The following NECAP2 variants were observed in gnomAD, a reference collection of about 807,000 sequenced individuals.
NECAP2 encodes the protein adaptin ear-binding coat-associated protein 2.
A neutral mutation model predicts 37.8 loss-of-function variants in NECAP2; 38 were observed. The ratio of observed to expected loss-of-function variants is 1.01; its 90% CI spans 0.78 to 1.32. The LOEUF is 1.32. Ranked by LOEUF, NECAP2 falls within the 40% of genes most tolerant of loss-of-function variation. The pLI is 0.00. For missense variants in NECAP2, 316 were observed against 334.5 expected, an observed-to-expected ratio of 0.94 and a Z score of 0.43; for synonymous variants, 121 against 127.7, an observed-to-expected ratio of 0.95 and a Z score of 0.35.
chr1:16,451,957 TG>T lies in NECAP2; in HGVS notation c.613del (p.Glu205SerfsTer95). 1 of 1,612,314 alleles carries T rather than the reference TG, an allele frequency of 6.2e-7. No individual in the cohort carries two copies. The highest frequency in any genetic ancestry group is 8.5e-7 in the Non-Finnish European group (1 of 1,179,028). On this transcript the variant is annotated frameshift_variant, in exon 6 of 8. Coordinates refer to ENST00000337132, the MANE Select transcript of NECAP2 (RefSeq NM_018090.5). LOFTEE classifies it high-confidence loss of function. ...AAACCTCCACCCTGATCCCTCCCCC[TG>T]GGGAGCAGTTGGCTGTGGGGGGATC... ...GKTSTLIPPPGEQLAVGGSLV... is the reference protein window; with the variant it reads ...GKTSTLIPPPXEQLAVGGSLV...
In NECAP2 at chr1:16,452,091, T is replaced by C. The variant is rs890107468; in HGVS notation, c.667+76T>C. ...TCCCTGGCAGCCAGGCCCCATGGTT[T>C]CCCCCCCGTTACACACATGGATTGG... On this transcript the variant is annotated intron_variant, in intron 6 of 7. Coordinates refer to ENST00000337132, the MANE Select transcript of NECAP2 (RefSeq NM_018090.5). 4.7e-5 allele frequency: 66 copies of C among 1,413,052 alleles called. No homozygotes were observed. The African/African-American group carries it at 8.2e-4, about 18-fold the overall frequency. 87.5% of individuals were successfully genotyped at this position (1,413,052 alleles called of 1,614,324 possible).
chr1:16,446,944 C>T (rs548786466), intron 2 of NECAP2, among the ~76,000 whole-genome samples: 65 of 152,052 alleles, frequency 4.3e-4, no homozygotes, highest in African/African-American at 1.5e-3. Context: ...CCTGTAATCC[C>T]AGCTACTTGG....
At chr1:16,449,808 C>G (rs1426087416) in intron 5 of NECAP2, 1 of 188,394 alleles carries the variant, frequency 5.3e-6, no homozygotes, top group Non-Finnish European at 1.1e-5. Context: ...TGTCTTCGTT[C>G]TGAGCTGCTC....
At chr1:16,446,433 C>T (rs559634148) in intron 2 of NECAP2, among the ~76,000 whole-genome samples, 1 of 152,150 alleles carries the variant, frequency 6.6e-6, no homozygotes, top group Non-Finnish European at 1.5e-5. Context: ...GTGGCATGTG[C>T]CTGTATTCCC....
rs886675179 is a variant in NECAP2, at chr1:16,456,467, C to T, written c.743+574C>T. ...CCTTTGCAAATCTGGGCCTTTAAAC[C>T]GCCTTCCCAAGTGCTTTGGCTTGTC... On this transcript the variant is annotated intron_variant, in intron 7 of 7. Transcript: ENST00000337132. 3.3e-5 allele frequency among the ~76,000 whole-genome samples: 5 copies of T among 152,140 alleles called. 1 individual carries two copies. Among genetic ancestry groups the T allele is most frequent in the African/African-American group, 7.2e-5 (3 of 41,414 alleles).
chr1:16,444,438 C>A (rs1409177462), intron 2 of NECAP2, among the ~76,000 whole-genome samples: 1 of 152,174 alleles, frequency 6.6e-6, no homozygotes, highest in Non-Finnish European at 1.5e-5. Flanking sequence ...AGAGAAAGTG[C>A]AAAAGTTTAG....
At chr1:16,444,454 G>T (rs935674885) in intron 2 of NECAP2, among the ~76,000 whole-genome samples, 1 of 152,234 alleles carries the variant, frequency 6.6e-6, no homozygotes, top group East Asian at 1.9e-4. Context: ...TTTAGAGAGA[G>T]AACTGGCTGC....
In NECAP2 at chr1:16,440,730, C is replaced by G. The variant is rs936473384; in HGVS notation, c.-32C>G. 3 of 1,595,116 alleles carry G rather than the reference C, an allele frequency of 1.9e-6. No individual in the cohort carries two copies. Among genetic ancestry groups the G allele is most frequent in the Middle Eastern group, 1.7e-4 (1 of 5,988 alleles). ...CGTCGGACAGAGGAACGGTGGAAGT[C>G]GCCGGAAGTTCGGTGGGCTCCAGGC... On this transcript the variant is annotated 5_prime_UTR_variant, in exon 1 of 8. Transcript: ENST00000337132.
chr1:16,457,719 T>G (rs1038895463), intron 7 of NECAP2, among the ~76,000 whole-genome samples: 11 of 149,738 alleles, frequency 7.3e-5, no homozygotes, highest in Admixed American at 1.3e-4. Flanking sequence ...TTTTTTTTTT[T>G]TTTTTTTTTT....
At chr1:16,453,365 T>A (rs2086873876) in intron 6 of NECAP2, among the ~76,000 whole-genome samples, 1 of 152,098 alleles carries the variant, frequency 6.6e-6, no homozygotes, top group Non-Finnish European at 1.5e-5. Flanking sequence ...CGCCTCAGCC[T>A]CCCAAAGTGC....
chr1:16,448,243 T>C (rs763133843), intron 4 of NECAP2, 102 bp downstream of exon 4: 15 of 1,185,458 alleles, frequency 1.3e-5, no homozygotes, highest in Non-Finnish European at 1.9e-5. Flanking sequence ...GTGATTTGTC[T>C]GGCAGCAGAG....
intron 2 of NECAP2, among the ~76,000 whole-genome samples, chr1:16,446,072 G>A (rs2086756354): frequency 6.6e-6 from 1 of 152,168 alleles, no homozygotes; most frequent in South Asian, 2.1e-4. Context: ...GCCGGGCGTG[G>A]TGGTGCATGC....
intron 6 of NECAP2, among the ~76,000 whole-genome samples, chr1:16,452,496 C>T (rs967439990): frequency 6.6e-6 from 1 of 152,116 alleles, no homozygotes; most frequent in Admixed American, 6.6e-5. Context: ...GGTTGGCATT[C>T]CAGGCAGAGA....
At chr1:16,457,648 C>T (rs1475334331) in intron 7 of NECAP2, among the ~76,000 whole-genome samples, 1 of 148,516 alleles carries the variant, frequency 6.7e-6, no homozygotes, top group African/African-American at 2.5e-5. Flanking sequence ...AAAAGACATT[C>T]TATTTATAGC....
At chr1:16,445,929 C>T (rs909880448) in intron 2 of NECAP2, among the ~76,000 whole-genome samples, 1 of 151,942 alleles carries the variant, frequency 6.6e-6, no homozygotes, top group African/African-American at 2.4e-5. Context: ...AAAAAAAGGC[C>T]GGGCACGGTG....
At chr1:16,446,082 C>G (rs1054472581) in intron 2 of NECAP2, among the ~76,000 whole-genome samples, 2 of 152,098 alleles carry the variant, frequency 1.3e-5, no homozygotes, top group Non-Finnish European at 2.9e-5. Context: ...GTGGTGCATG[C>G]CTGTAAACCC....
Position 16,451,999 on chromosome 1 carries a change from A to G in NECAP2, c.651A>G (p.Ala217=), listed in dbSNP as rs1570268685. 6.3e-7 allele frequency: 1 copy of G among 1,594,456 alleles called. No individual in the cohort carries two copies. The change falls in exon 6 of 8, where the codon GCA becomes GCG. Residue 217 remains alanine (A), a synonymous_variant. Coordinates refer to ENST00000337132, the MANE Select transcript of NECAP2 (RefSeq NM_018090.5). ...LAVGGSLVQP[A]VAPSSGGAPV... is the part of the protein sequence containing the mutation. ...TGGGGGGATCCCTCGTCCAGCCAGCAGTTGCTCCCAGTTCAGGTTAGTGCT... is the reference window on the plus strand; with the variant it reads ...TGGGGGGATCCCTCGTCCAGCCAGCGGTTGCTCCCAGTTCAGGTTAGTGCT...
intron 7 of NECAP2, among the ~76,000 whole-genome samples, chr1:16,458,502 G>A (rs2086961471): frequency 6.6e-6 from 1 of 151,808 alleles, no homozygotes; most frequent in East Asian, 1.9e-4. Flanking sequence ...GAGGTAGGAG[G>A]ATCGCTTGAG....
chr1:16,447,188 A>G (rs1020782544), intron 2 of NECAP2, among the ~76,000 whole-genome samples: 1 of 152,188 alleles, frequency 6.6e-6, no homozygotes, highest in Non-Finnish European at 1.5e-5. Flanking sequence ...AACAAAAAAT[A>G]CTAAAAGCAA....
Sources: gnomAD v4.1 joint callset for allele counts (sites outside exome capture counted in the v4.1 genomes callset) on GRCh38, gnomAD v4.1.1 for gene constraint, MANE v1.5 for transcripts, NCBI Gene and HGNC (gene_info 2026-07-23, HGNC 2026-07-21) for gene names.